IL1RAPL2: variants seen among roughly 807,000 people sequenced by gnomAD.
The protein encoded by IL1RAPL2 is interleukin 1 receptor accessory protein like 2.
IL1RAPL2 carries 3 observed loss-of-function variants against 44.1 expected under a neutral mutation model. That is an observed-to-expected ratio of 0.07 (90% confidence interval 0.03 to 0.18). The LOEUF (loss-of-function observed/expected upper bound fraction) is 0.18. Among genes scored for constraint, IL1RAPL2 ranks in the 10% least tolerant of loss-of-function variants. The probability of loss-of-function intolerance (pLI) is 1.00; values close to 1 mark genes in which losing one functional copy is unlikely to be tolerated. For missense variants in IL1RAPL2, 391 were observed against 496.4 expected (o/e 0.79, Z 2.02); for synonymous variants, 181 against 178.8 (o/e 1.01, Z -0.10).
intron 2 of IL1RAPL2, among the ~76,000 whole-genome samples, chrX:104,900,225 A>G (rs770708426): frequency 2.7e-5 from 3 of 111,910 alleles, no homozygotes; most frequent in Non-Finnish European, 5.6e-5. Context: ...AGAGTTTGCT[A>G]TCACTTTGAA....
chrX:104,775,508 G>T (rs1932704614), intron 2 of IL1RAPL2, among the ~76,000 whole-genome samples: 1 of 111,718 alleles, frequency 9.0e-6, no homozygotes, highest in Non-Finnish European at 1.9e-5. Flanking sequence ...ATTTCTGAAG[G>T]GTTTTGTTGA....
At chrX:105,411,677 A>G (rs981307371) in intron 5 of IL1RAPL2, among the ~76,000 whole-genome samples, 1 of 111,794 alleles carries the variant, frequency 8.9e-6, no homozygotes, top group Non-Finnish European at 1.9e-5. Flanking sequence ...AGAAAATATT[A>G]TTAGATCTAA....
At chrX:104,621,781 G>T (rs1347595360) in intron 1 of IL1RAPL2, among the ~76,000 whole-genome samples, 1 of 111,772 alleles carries the variant, frequency 8.9e-6, no homozygotes, top group Non-Finnish European at 1.9e-5. Context: ...AGAGAGGAAA[G>T]GTAGAGCTAT....
chrX:104,952,156 C>G (rs1390198695), intron 2 of IL1RAPL2, among the ~76,000 whole-genome samples: 1 of 112,173 alleles, frequency 8.9e-6, no homozygotes, highest in Non-Finnish European at 1.9e-5. Flanking sequence ...TGTGGTTTTT[C>G]AGCACAAAAT....
intron 2 of IL1RAPL2, among the ~76,000 whole-genome samples, chrX:104,763,390 G>A (rs1174386932): frequency 8.9e-6 from 1 of 111,896 alleles, no homozygotes; most frequent in Non-Finnish European, 1.9e-5. Context: ...AGACCTCCAA[G>A]TCTCTAGGAA....
At chrX:104,749,374 A>G (rs1446643996) in intron 2 of IL1RAPL2, among the ~76,000 whole-genome samples, 4 of 110,882 alleles carry the variant, frequency 3.6e-5, no homozygotes, top group African/African-American at 9.8e-5. Context: ...GACACATACT[A>G]TGCCAAGCAC....
chrX:105,500,805 C>A (rs927596689), intron 6 of IL1RAPL2, among the ~76,000 whole-genome samples: 3 of 111,549 alleles, frequency 2.7e-5, no homozygotes, highest in Non-Finnish European at 5.6e-5. Context: ...TATTTTTGTT[C>A]ACACAGGAAC....
chrX:105,629,768 C>T (rs1038082935), intron 6 of IL1RAPL2, among the ~76,000 whole-genome samples: 8 of 111,673 alleles, frequency 7.2e-5, no homozygotes, highest in African/African-American at 2.3e-4. Flanking sequence ...GCTAAAGAAA[C>T]GGAGCAGAGG....
intron 1 of IL1RAPL2, among the ~76,000 whole-genome samples, chrX:104,637,581 G>T (rs1001198488): frequency 9.1e-6 from 1 of 110,259 alleles, no homozygotes; most frequent in African/African-American, 3.3e-5. Context: ...TGAGATGATT[G>T]TATGTTTTTT....
intron 6 of IL1RAPL2, among the ~76,000 whole-genome samples, chrX:105,613,828 C>T (rs2037353862): frequency 9.0e-6 from 1 of 111,336 alleles, no homozygotes; most frequent in Non-Finnish European, 1.9e-5. Context: ...GTAAATAGAA[C>T]AACAGACAGA....
chrX:105,267,719 G>GA (rs201564559), intron 5 of IL1RAPL2, among the ~76,000 whole-genome samples, 178 bp downstream of exon 5: 1,351 of 111,914 alleles, frequency 0.012, 25 homozygotes, highest in African/African-American at 0.041. Flanking sequence ...TATGGAATAT[G>GA]AAAAAAGAGT....
rs995578770 is a variant in IL1RAPL2 at position 105,609,406 on chromosome X, T to G, written c.773-107961T>G. ...ATGGTAAATTTTGTGTTATCTATAT[T>G]TTACAATTAAAAAAATAGTGCATGA... On this transcript the variant is annotated intron_variant, in intron 6 of 10. Coordinates refer to ENST00000372582, the MANE Select transcript of IL1RAPL2 (RefSeq NM_017416.2). Among the ~76,000 whole-genome samples the G allele has an allele frequency of 5.4e-5, 6 of 111,152 alleles. No individual in the cohort carries two copies. In the Admixed American group the frequency reaches 5.8e-4, roughly 11 times the overall value.
At chrX:105,208,493 C>T (rs190725050) in intron 3 of IL1RAPL2, among the ~76,000 whole-genome samples, 22 of 111,627 alleles carry the variant, frequency 2.0e-4, no homozygotes, top group African/African-American at 6.2e-4. Context: ...CTCACCACAC[C>T]GAAGAGTGAT....
At chrX:105,657,740 A>G (rs2037686378) in intron 6 of IL1RAPL2, among the ~76,000 whole-genome samples, 1 of 110,445 alleles carries the variant, frequency 9.1e-6, no homozygotes, top group Non-Finnish European at 1.9e-5. Context: ...CAGCCTCCTG[A>G]CTACCTGGGA....
chrX:104,987,924 A>C (rs1015683407), intron 2 of IL1RAPL2, among the ~76,000 whole-genome samples: 11 of 111,462 alleles, frequency 9.9e-5, no homozygotes, highest in African/African-American at 2.9e-4. Context: ...GTTAGTGGAA[A>C]TTTTCAGTGT....
At chrX:104,941,191 G>T (rs1372718049) in intron 2 of IL1RAPL2, among the ~76,000 whole-genome samples, 6 of 110,810 alleles carry the variant, frequency 5.4e-5, no homozygotes, top group African/African-American at 1.3e-4. Context: ...ATAGCAGCAT[G>T]ATTTATAATC....
At chrX:105,666,175 A>C (rs1375273662) in intron 6 of IL1RAPL2, among the ~76,000 whole-genome samples, 1 of 110,411 alleles carries the variant, frequency 9.1e-6, no homozygotes. Flanking sequence ...AAAAACCCAC[A>C]TAGCTTTATA....
chrX:105,054,786 G>T (rs1452645223), intron 2 of IL1RAPL2, among the ~76,000 whole-genome samples: 3 of 111,730 alleles, frequency 2.7e-5, no homozygotes, highest in Non-Finnish European at 5.6e-5. Flanking sequence ...TCCTAACCTA[G>T]ATTTCTTTTT....
intron 2 of IL1RAPL2, among the ~76,000 whole-genome samples, chrX:104,973,375 A>G (rs1320859755): frequency 8.9e-6 from 1 of 111,879 alleles, no homozygotes; most frequent in Non-Finnish European, 1.9e-5. Context: ...TGAGTCAAAA[A>G]CTAAAAGCCA....
Sources: allele counts gnomAD v4.1 joint callset (sites outside exome capture counted in the v4.1 genomes callset), GRCh38; gene constraint gnomAD v4.1.1; transcripts MANE v1.5; gene names NCBI Gene and HGNC (gene_info 2026-07-23, HGNC 2026-07-21).